Variants in MTA3 observed in about 807,000 individuals in gnomAD.
MTA3 encodes the protein metastasis associated 1 family member 3.
MTA3 carries 34 observed loss-of-function variants against 83.5 expected under a neutral mutation model. That is an observed-to-expected ratio of 0.41 (90% CI 0.31 to 0.54). MTA3 has a LOEUF of 0.54. MTA3 is among the 20% of genes least tolerant of loss of function. The pLI is 0.33. For synonymous variants in MTA3, 303 were observed against 252.7 expected, an observed-to-expected ratio of 1.20 and a Z score of -1.89; for missense variants, 761 against 726.4, an observed-to-expected ratio of 1.05 and a Z score of -0.55.
chr2:42,720,032 CTT>C (rs1314775136), intron 15 of MTA3, among the ~76,000 whole-genome samples: 1 of 152,074 alleles, frequency 6.6e-6, no homozygotes, highest in Non-Finnish European at 1.5e-5. Context: ...GACATCAACT[CTT>C]TTAAAAATCA....
At chr2:42,551,559 C>A (rs746151048) in intron 2 of MTA3, among the ~76,000 whole-genome samples, 1 of 152,044 alleles carries the variant, frequency 6.6e-6, no homozygotes, top group Non-Finnish European at 1.5e-5. Context: ...AACAGACAGA[C>A]ATGCCTCTTC....
intron 16 of MTA3, among the ~76,000 whole-genome samples, chr2:42,738,704 A>G (rs1283865397): frequency 6.6e-6 from 1 of 152,188 alleles, no homozygotes. Flanking sequence ...TTCAAAAGCA[A>G]ATGGGAGAAA....
intron 2 of MTA3, among the ~76,000 whole-genome samples, chr2:42,522,256 G>A (rs2103695775): frequency 6.6e-6 from 1 of 152,286 alleles, no homozygotes; most frequent in Middle Eastern, 3.4e-3. Context: ...AGGATCCTCA[G>A]GGGTTACTTG....
At chr2:42,713,083 C>G (rs967332986) in intron 14 of MTA3, among the ~76,000 whole-genome samples, 7 of 152,188 alleles carry the variant, frequency 4.6e-5, no homozygotes, top group African/African-American at 1.7e-4. Flanking sequence ...TTACTAGCAA[C>G]ATTCCAAAGA....
intron 8 of MTA3, among the ~76,000 whole-genome samples, chr2:42,661,667 C>A (rs1245756925): frequency 1.3e-5 from 2 of 151,924 alleles, no homozygotes; most frequent in East Asian, 3.8e-4. Flanking sequence ...AGTACAGCAG[C>A]AGCCAAAAAA....
intron 2 of MTA3, among the ~76,000 whole-genome samples, chr2:42,533,786 C>T (rs1572938364): frequency 2.1e-5 from 3 of 142,192 alleles, no homozygotes; most frequent in South Asian, 4.4e-4. Context: ...GAGCTGAGAT[C>T]GTGCCACTGC....
At chr2:42,555,734 T>C (rs1035098039) in intron 2 of MTA3, among the ~76,000 whole-genome samples, 7 of 151,138 alleles carry the variant, frequency 4.6e-5, no homozygotes, top group South Asian at 2.1e-4. Flanking sequence ...TGCTACTGCA[T>C]TCCAGCCTGC....
intron 2 of MTA3, among the ~76,000 whole-genome samples, chr2:42,570,944 C>T (rs188467572): frequency 3.3e-5 from 5 of 151,314 alleles, no homozygotes; most frequent in African/African-American, 9.7e-5. Flanking sequence ...ACCCGGGAGG[C>T]GGAGGTTGCG....
At chr2:42,657,332 C>T (rs1689261824) in intron 7 of MTA3, among the ~76,000 whole-genome samples, 1 of 152,126 alleles carries the variant, frequency 6.6e-6, no homozygotes, top group Non-Finnish European at 1.5e-5. Context: ...GGTGGCCAGG[C>T]ATTTGGAGTC....
chr2:42,628,485 C>T (rs896045004), intron 4 of MTA3, among the ~76,000 whole-genome samples: 1 of 152,130 alleles, frequency 6.6e-6, no homozygotes, highest in Non-Finnish European at 1.5e-5. Context: ...ACGCCTGCCT[C>T]AGCCTCCCAA....
chr2:42,713,507 A>G (rs1666792196), intron 14 of MTA3, among the ~76,000 whole-genome samples: 1 of 152,132 alleles, frequency 6.6e-6, no homozygotes, highest in Non-Finnish European at 1.5e-5. Context: ...TTTGGTTTTG[A>G]ATGGATACTG....
intron 3 of MTA3, among the ~76,000 whole-genome samples, chr2:42,592,167 C>T (rs991978483): frequency 3.9e-5 from 6 of 151,974 alleles, no homozygotes; most frequent in African/African-American, 1.4e-4. Context: ...GAGGCTGAGG[C>T]AGGAGGATTG....
chr2:42,558,184 A>G (rs1390749050), intron 2 of MTA3, among the ~76,000 whole-genome samples: 1 of 150,030 alleles, frequency 6.7e-6, no homozygotes, highest in Non-Finnish European at 1.5e-5. Context: ...TCTCCTCCTG[A>G]TCACTACCTG....
chr2:42,536,161 T>TC (rs1676222977), intron 2 of MTA3, among the ~76,000 whole-genome samples: 1 of 145,628 alleles, frequency 6.9e-6, no homozygotes, highest in South Asian at 2.2e-4. Flanking sequence ...CACAACGGTC[T>TC]CCCCCGGGCC....
intron 3 of MTA3, among the ~76,000 whole-genome samples, chr2:42,609,157 A>C (rs1044115166): frequency 6.6e-6 from 1 of 150,740 alleles, no homozygotes; most frequent in Admixed American, 6.7e-5. Flanking sequence ...CAGCCTCCCG[A>C]GTAGCTGGGA....
intron 3 of MTA3, among the ~76,000 whole-genome samples, chr2:42,594,728 A>ATATATATATATATATTTTTTTTTTTT: frequency 8.3e-5 from 2 of 24,044 alleles, no homozygotes; most frequent in Non-Finnish European, 1.3e-4. Context: ...ATATATATAT[A>ATATATATATATATATTTTTTTTTTTT]TTTTTTTTTT....
intron 8 of MTA3, among the ~76,000 whole-genome samples, chr2:42,672,014 T>G (rs1690841135): frequency 6.6e-6 from 1 of 152,220 alleles, no homozygotes; most frequent in African/African-American, 2.4e-5. Context: ...AGAGGGATCA[T>G]CACCTCTCCT....
chr2:42,678,381 A>G (rs1691572882), intron 8 of MTA3, among the ~76,000 whole-genome samples: 1 of 152,276 alleles, frequency 6.6e-6, no homozygotes, highest in South Asian at 2.1e-4. Flanking sequence ...TCTGCCGCCC[A>G]GGCTGGAGTG....
chr2:42,752,206 C>G (rs1160523880), intron 16 of MTA3: 1 of 471,238 alleles, frequency 2.1e-6, no homozygotes, highest in Admixed American at 2.3e-5. Flanking sequence ...AAATACCAAG[C>G]TGGGTACAGG....
Sources: allele counts gnomAD v4.1 joint callset (sites outside exome capture counted in the v4.1 genomes callset), GRCh38; gene constraint gnomAD v4.1.1; transcripts MANE v1.5; gene names NCBI Gene and HGNC (gene_info 2026-07-23, HGNC 2026-07-21).